The following OPCML variants were observed in gnomAD, a reference collection of about 807,000 sequenced individuals.
OPCML encodes the protein opioid-binding protein/cell adhesion molecule.
OPCML carries 13 observed loss-of-function variants against 37.8 expected under a neutral mutation model. That is an observed-to-expected ratio of 0.34 (90% CI 0.22 to 0.55). The LOEUF (loss-of-function observed/expected upper bound fraction) is 0.55, where lower values mean the gene tolerates loss of function less well. Among genes scored for constraint, OPCML ranks in the 20% least tolerant of loss-of-function variants. OPCML has a pLI of 0.91. For synonymous variants in OPCML, 176 were observed against 168.8 expected (o/e 1.04, Z -0.33); for missense variants, 341 against 435.6 (o/e 0.78, Z 1.93).
chr11:132,887,769 C>T (rs963066386), intron 2 of OPCML, among the ~76,000 whole-genome samples: 1 of 152,216 alleles, frequency 6.6e-6, no homozygotes, highest in Non-Finnish European at 1.5e-5. Flanking sequence ...CATAAGGGAT[C>T]GGCAGATTCA....
intron 1 of OPCML, among the ~76,000 whole-genome samples, chr11:133,242,956 A>G (rs1940783980): frequency 6.6e-6 from 1 of 152,262 alleles, no homozygotes. Context: ...AAACAAAATC[A>G]GGCAGTACAA....
intron 1 of OPCML, among the ~76,000 whole-genome samples, chr11:133,526,867 C>T (rs557332746): frequency 3.3e-5 from 5 of 152,316 alleles, no homozygotes; most frequent in Admixed American, 2.6e-4. Flanking sequence ...AGAGCAGAGC[C>T]GCCCCAAGGT....
At chr11:132,514,616 A>G (rs1436388213) in intron 4 of OPCML, among the ~76,000 whole-genome samples, 1 of 152,210 alleles carries the variant, frequency 6.6e-6, no homozygotes, top group Non-Finnish European at 1.5e-5. Context: ...TCAGAGGTGC[A>G]GTAATATCAG....
chr11:132,719,127 G>A (rs1158584586), intron 2 of OPCML, among the ~76,000 whole-genome samples: 1 of 152,218 alleles, frequency 6.6e-6, no homozygotes, highest in Non-Finnish European at 1.5e-5. Flanking sequence ...CTGACTGACA[G>A]GCACTGGCTC....
chr11:133,527,666 T>G lies in OPCML; in HGVS notation c.61+4598A>C, dbSNP rs1458040910. On this transcript the variant is annotated intron_variant, in intron 1 of 7. Transcript: ENST00000524381. ...GGATGAGTTTTTTTATAATAAAAAT[T>G]TAGAAGTGTTTATTTGTTATCATCT... Among the ~76,000 whole-genome samples the G allele has an allele frequency of 2.6e-5, 4 of 152,194 alleles. No homozygotes were observed. The East Asian group carries it at 7.7e-4, about 29-fold the overall frequency.
intron 1 of OPCML, among the ~76,000 whole-genome samples, chr11:133,414,333 G>C (rs887878773): frequency 6.6e-6 from 1 of 151,970 alleles, no homozygotes; most frequent in Non-Finnish European, 1.5e-5. Context: ...TGGCTTTTTT[G>C]AATTATGCCC....
intron 1 of OPCML, among the ~76,000 whole-genome samples, chr11:133,450,828 G>A (rs1946566514): frequency 6.6e-6 from 1 of 151,490 alleles, no homozygotes; most frequent in African/African-American, 2.4e-5. Context: ...CACAGACAGT[G>A]GCAAAAAACA....
At chr11:133,123,211 T>C (rs889622388) in intron 1 of OPCML, among the ~76,000 whole-genome samples, 6 of 152,142 alleles carry the variant, frequency 3.9e-5, no homozygotes, top group Admixed American at 3.9e-4. Context: ...ATTGATTATA[T>C]GGTTTGGGAT....
chr11:133,471,516 T>C (rs993792847), intron 1 of OPCML, among the ~76,000 whole-genome samples: 4 of 152,124 alleles, frequency 2.6e-5, no homozygotes, highest in Non-Finnish European at 5.9e-5. Context: ...ACATTGATCA[T>C]CTTGGGAGAG....
intron 2 of OPCML, among the ~76,000 whole-genome samples, chr11:132,847,504 A>G (rs1238104564): frequency 6.6e-6 from 1 of 152,206 alleles, no homozygotes; most frequent in Non-Finnish European, 1.5e-5. Context: ...TGTTAGTGAT[A>G]GTGATTTTTA....
At chr11:133,076,971 G>A (rs1028497391) in intron 1 of OPCML, among the ~76,000 whole-genome samples, 13 of 152,120 alleles carry the variant, frequency 8.5e-5, no homozygotes, top group African/African-American at 1.9e-4. Flanking sequence ...GATGGTTGGC[G>A]GTGGGGCAGG....
chr11:133,256,440 T>C (rs541873433), intron 1 of OPCML, among the ~76,000 whole-genome samples: 4 of 152,362 alleles, frequency 2.6e-5, no homozygotes, highest in Admixed American at 6.5e-5. Flanking sequence ...GTGTATGTAA[T>C]ATAGTAATGC....
intron 2 of OPCML, among the ~76,000 whole-genome samples, chr11:132,807,554 T>A (rs538040947): frequency 6.6e-6 from 1 of 152,332 alleles, no homozygotes; most frequent in African/African-American, 2.4e-5. Context: ...TCACACATAC[T>A]GGTTCTGAAT....
chr11:133,216,238 T>C (rs1939583247), intron 1 of OPCML, among the ~76,000 whole-genome samples: 1 of 152,182 alleles, frequency 6.6e-6, no homozygotes, highest in African/African-American at 2.4e-5. Context: ...CTCCTTTGTT[T>C]GGAGTTGACA....
chr11:133,008,213 G>A (rs1947149116), intron 1 of OPCML: 2 of 985,286 alleles, frequency 2.0e-6, no homozygotes, highest in Non-Finnish European at 1.2e-6. Flanking sequence ...ATTAAGCTCA[G>A]ACCCTACACA....
chr11:132,927,141 T>C (rs1361590306), intron 2 of OPCML, among the ~76,000 whole-genome samples: 4 of 152,116 alleles, frequency 2.6e-5, no homozygotes, highest in African/African-American at 9.7e-5. Flanking sequence ...TTTGAATATG[T>C]AACTACTGGA....
At chr11:132,538,401 G>A (rs1489879140) in intron 3 of OPCML, among the ~76,000 whole-genome samples, 3 of 152,150 alleles carry the variant, frequency 2.0e-5, no homozygotes, top group African/African-American at 7.2e-5. Flanking sequence ...CAGGAGCTAG[G>A]GAGAGAGATA....
At chr11:133,491,092 A>C (rs575911821) in intron 1 of OPCML, among the ~76,000 whole-genome samples, 275 of 152,218 alleles carry the variant, frequency 1.8e-3, no homozygotes, top group Non-Finnish European at 3.2e-3. Context: ...CAGCAGTGTG[A>C]AATTCTATGG....
Position 133,499,492 on chromosome 11 carries a change from G to A in OPCML, c.61+32772C>T, listed in dbSNP as rs945305633. 3.0e-4 allele frequency among the ~76,000 whole-genome samples: 45 copies of A among 152,050 alleles called. 1 individual carries two copies. Among genetic ancestry groups the A allele is most frequent in the African/African-American group, 9.4e-4 (39 of 41,476 alleles). On this transcript the variant is annotated intron_variant, in intron 1 of 7. Coordinates refer to ENST00000524381, the MANE Select transcript of OPCML (RefSeq NM_001012393.5). ...GGAGAAATGGAACCTTAACCCCTTT[G>A]CCACCGTGCTCACTCTTCTGACCTT...
Sources: allele counts gnomAD v4.1 joint callset (sites outside exome capture counted in the v4.1 genomes callset), GRCh38; gene constraint gnomAD v4.1.1; transcripts MANE v1.5; gene names NCBI Gene and HGNC (gene_info 2026-07-23, HGNC 2026-07-21).